Variants in RELN observed in about 807,000 individuals in gnomAD.
The protein encoded by RELN is reelin.
A neutral mutation model predicts 427.6 loss-of-function variants in RELN; 108 were observed. The ratio of observed to expected loss-of-function variants is 0.25; its 90% confidence interval spans 0.22 to 0.30. RELN has a LOEUF of 0.30. Ranked by LOEUF, RELN falls within the 10% of genes least tolerant of loss-of-function variation. The pLI, the probability that RELN is intolerant of heterozygous loss-of-function variation, is 1.00. For synonymous variants in RELN, 1,524 were observed against 1,513.4 expected (o/e 1.01, Z -0.16); for missense variants, 3,715 against 4,302.8 (o/e 0.86, Z 3.82).
chr7:103,533,989 T>C (rs1281847017), intron 46 of RELN, among the ~76,000 whole-genome samples: 1 of 152,176 alleles, frequency 6.6e-6, no homozygotes. Context: ...ACGTATCTCA[T>C]TTAAACTTGG....
At position 103,975,806 on chromosome 7, in the gene RELN, A is replaced by G. The variant is rs1021316486; in HGVS notation, c.226+13325T>C. On this transcript the variant is annotated intron_variant, in intron 1 of 64. Transcript: ENST00000428762. ...CATGATCCGCCCACCTTGGCATCCC[A>G]AAGTGCTAGGATTACAGGCGTGAGC... Among the ~76,000 whole-genome samples, 5 of 149,186 alleles carry G rather than the reference A, an allele frequency of 3.4e-5. No individual in the cohort carries two copies. The East Asian group carries it at 9.9e-4, about 29-fold the overall frequency.
chr7:103,502,306 C>T (rs1014978654), intron 52 of RELN, among the ~76,000 whole-genome samples: 4 of 152,106 alleles, frequency 2.6e-5, no homozygotes, highest in African/African-American at 9.7e-5. Context: ...GGGAACTGTG[C>T]GTAAGCACTT....
chr7:103,589,602 G>A lies in RELN; in HGVS notation c.4139C>T (p.Ala1380Val), dbSNP rs372401833. 1.2e-6 allele frequency: 2 copies of A among 1,607,258 alleles called. No individual in the cohort carries two copies. Among genetic ancestry groups the A allele is most frequent in the African/African-American group, 1.3e-5 (1 of 74,742 alleles). Residue 1380 changes from alanine to valine, a missense_variant, in exon 28 of 65, where the codon GCA becomes GTA. Physicochemically the swap from Ala to Val is moderately conservative, Grantham distance 64 (BLOSUM62 0). Coordinates refer to ENST00000428762, the MANE Select transcript of RELN (RefSeq NM_005045.4). Reference sequence around the variant, plus strand: ...TTAAGAATGATTACTTTACCTGGATGCAAGAGACCTTGGAATAACAATGGT... The same window carrying A: ...TTAAGAATGATTACTTTACCTGGATACAAGAGACCTTGGAATAACAATGGT... ...RITIVIPRSL[A>V]SSKTRFRWIQ...
intron 57 of RELN, among the ~76,000 whole-genome samples, chr7:103,492,382 C>T (rs910277376): frequency 6.6e-6 from 1 of 152,054 alleles, no homozygotes; most frequent in Non-Finnish European, 1.5e-5. Context: ...TCATTGATAG[C>T]CTAACTTTCT....
chr7:103,941,694 A>T lies in RELN; in HGVS notation c.227-24509T>A, dbSNP rs1369233072. Among the ~76,000 whole-genome samples, 3 of 152,128 alleles carry T rather than the reference A, an allele frequency of 2.0e-5. No homozygotes were observed. In the East Asian group the frequency reaches 5.8e-4, roughly 29 times the overall value. On this transcript the variant is annotated intron_variant, in intron 1 of 64. Coordinates refer to ENST00000428762, the MANE Select transcript of RELN (RefSeq NM_005045.4). ...CACTGCTGTCAAGATTCTAGTCCAA[A>T]CACATATATAAACTCATAACATTTA...
At chr7:103,712,431 C>T (rs1789828073) in intron 8 of RELN, among the ~76,000 whole-genome samples, 1 of 152,162 alleles carries the variant, frequency 6.6e-6, no homozygotes, top group African/African-American at 2.4e-5. Flanking sequence ...GAGTTACTTC[C>T]TCCCTTGGAA....
intron 6 of RELN, among the ~76,000 whole-genome samples, chr7:103,742,406 A>G (rs619926): frequency 0.22 from 33,306 of 152,112 alleles, 4,828 homozygotes; most frequent in African/African-American, 0.41. Flanking sequence ...ACGGAACAAA[A>G]CTGGATGGAG....
At chr7:103,667,361 T>C (rs1280130673) in intron 11 of RELN, among the ~76,000 whole-genome samples, 1 of 152,234 alleles carries the variant, frequency 6.6e-6, no homozygotes, top group Non-Finnish European at 1.5e-5. Context: ...TCAATTTATT[T>C]TAACATGTTA....
rs886061853 is a variant in RELN at position 103,472,676 on chromosome 7, C to T, written c.*136G>A. On this transcript the variant is annotated 3_prime_UTR_variant, in exon 65 of 65. Transcript: ENST00000428762. ...ACAGTGTGGGAAAGTGGTGTACACT[C>T]GGTCTTGAGAAGGGCTTTCAGGTAA... 2.9e-5 allele frequency: 21 copies of T among 712,674 alleles called. No individual in the cohort carries two copies. The East Asian group carries it at 3.8e-4, about 13-fold the overall frequency. 44.1% of individuals were successfully genotyped at this position (712,674 alleles called of 1,614,324 possible).
At chr7:103,907,362 G>C (rs1049593351) in intron 2 of RELN, among the ~76,000 whole-genome samples, 3 of 116,976 alleles carry the variant, frequency 2.6e-5, no homozygotes, top group African/African-American at 6.6e-5. Flanking sequence ...GTTGCAATAA[G>C]TTGAGATGAT....
chr7:103,570,468 A>G (rs547261717), intron 31 of RELN, among the ~76,000 whole-genome samples: 1 of 152,340 alleles, frequency 6.6e-6, no homozygotes, highest in South Asian at 2.1e-4. Flanking sequence ...TTTACTTTCC[A>G]CCTCATCAGC....
chr7:103,601,049 T>C (rs544936060), intron 24 of RELN, among the ~76,000 whole-genome samples: 1 of 152,350 alleles, frequency 6.6e-6, no homozygotes, highest in Non-Finnish European at 1.5e-5. Flanking sequence ...ATAGTCTGTC[T>C]GACTTCAGAG....
At chr7:103,905,162 G>T (rs1175060672) in intron 2 of RELN, among the ~76,000 whole-genome samples, 1 of 151,642 alleles carries the variant, frequency 6.6e-6, no homozygotes, top group African/African-American at 2.4e-5. Flanking sequence ...TATATTTTTA[G>T]TAGAGACAGG....
chr7:103,909,951 A>G (rs373197406), intron 2 of RELN, among the ~76,000 whole-genome samples: 139 of 144,070 alleles, frequency 9.6e-4, no homozygotes, highest in South Asian at 1.9e-3. Context: ...CTGTGCAGAA[A>G]GTCATTGGTA....
intron 2 of RELN, among the ~76,000 whole-genome samples, chr7:103,891,172 G>T (rs529595228): frequency 1.3e-5 from 2 of 152,270 alleles, no homozygotes; most frequent in South Asian, 2.1e-4. Flanking sequence ...CTGACATCTA[G>T]CTGGGTCATC....
chr7:103,825,971 T>C (rs7795926), intron 3 of RELN, among the ~76,000 whole-genome samples: 46,999 of 151,730 alleles, frequency 0.31, 7,670 homozygotes, highest in East Asian at 0.42. Context: ...TGTTGAGAGG[T>C]AGGACCTTTA....
intron 31 of RELN, 91 bp from the exon 32 acceptor site, chr7:103,566,850 A>C: frequency 2.4e-6 from 3 of 1,242,526 alleles, no homozygotes; most frequent in Non-Finnish European, 3.5e-6. Flanking sequence ...CAGCAACCTC[A>C]AATTGTGTCT....
At position 103,756,089 on chromosome 7, in the gene RELN, CTACTT is replaced by C. The variant is rs527292237; in HGVS notation, c.545-2880_545-2876del. Among the ~76,000 whole-genome samples, 70 of 152,116 alleles carry C rather than the reference CTACTT, an allele frequency of 4.6e-4. No homozygotes were observed. In the East Asian group the frequency reaches 0.013, roughly 29 times the overall value. The stretch of plus-strand genomic sequence containing the variant: ...AAAATATCTGCAGAAATATTGTTGC[CTACTT>C]TACATTAAATGACTTTGGTGACTAA... On this transcript the variant is annotated intron_variant, in intron 4 of 64. Coordinates refer to ENST00000428762, the MANE Select transcript of RELN (RefSeq NM_005045.4).
At chr7:103,489,159 T>G (rs1159651704) in intron 60 of RELN, among the ~76,000 whole-genome samples, 1 of 151,910 alleles carries the variant, frequency 6.6e-6, no homozygotes, top group Non-Finnish European at 1.5e-5. Flanking sequence ...ACTCAACCTC[T>G]AGAAACTCAA....
Sources: allele counts gnomAD v4.1 joint callset (sites outside exome capture counted in the v4.1 genomes callset), GRCh38; gene constraint gnomAD v4.1.1; transcripts MANE v1.5; gene names NCBI Gene and HGNC (gene_info 2026-07-23, HGNC 2026-07-21).